Variants in AGBL1 observed in about 807,000 individuals in gnomAD.
The protein encoded by AGBL1 is cytosolic carboxypeptidase 4.
AGBL1 carries 130 observed loss-of-function variants against 118.9 expected under a neutral mutation model. The observed-to-expected ratio is 1.09, with a 90% CI of 0.95 to 1.26. AGBL1 has a LOEUF of 1.26. Among genes scored for constraint, AGBL1 ranks in the 50% most tolerant of loss-of-function variants. AGBL1 has a pLI of 0.00. For missense variants in AGBL1, 1,584 were observed against 1,298.1 expected (o/e 1.22, Z -3.38); for synonymous variants, 555 against 478.9 (o/e 1.16, Z -2.08).
chr15:86,159,083 T>C, intron 5 of AGBL1, 57 bp downstream of exon 5: 1 of 1,484,366 alleles, frequency 6.7e-7, no homozygotes, highest in South Asian at 1.1e-5. Flanking sequence ...GAGATGGAGA[T>C]TGCCCTACAT....
At chr15:86,356,326 G>T (rs543472364) in intron 17 of AGBL1, among the ~76,000 whole-genome samples, 1 of 143,568 alleles carries the variant, frequency 7.0e-6, no homozygotes, top group Non-Finnish European at 1.5e-5. Context: ...TTATATCTAC[G>T]AAGATAGACG....
chr15:86,606,707 A>C (rs1049230804), intron 21 of AGBL1, among the ~76,000 whole-genome samples: 2 of 152,200 alleles, frequency 1.3e-5, no homozygotes, highest in Admixed American at 6.6e-5. Flanking sequence ...AATTGAACAG[A>C]AAGTAGAGGG....
chr15:86,201,935 C>T (rs919832681), intron 5 of AGBL1, among the ~76,000 whole-genome samples: 1 of 152,174 alleles, frequency 6.6e-6, no homozygotes, highest in Non-Finnish European at 1.5e-5. Flanking sequence ...TGCTGGCAGA[C>T]AAAGAAGGCC....
chr15:86,499,951 A>T (rs1046802966), intron 18 of AGBL1, among the ~76,000 whole-genome samples: 1 of 151,784 alleles, frequency 6.6e-6, no homozygotes, highest in African/African-American at 2.4e-5. Flanking sequence ...CAGGGAAGTC[A>T]CCTGTGAATA....
rs371722077 is a variant in AGBL1, at chr15:86,082,134, T to C, written c.51+2111T>C. ...CTTCCCTAAGCCCTGTTTCTGTCTCTACGGTAGAAGTCAGAACTCTGAAAC... is the reference window on the plus strand; with the variant it reads ...CTTCCCTAAGCCCTGTTTCTGTCTCCACGGTAGAAGTCAGAACTCTGAAAC... On this transcript the variant is annotated intron_variant, in intron 1 of 22. Coordinates refer to ENST00000614907, the MANE Select transcript of AGBL1 (RefSeq NM_001386094.1). Among the ~76,000 whole-genome samples the C allele has an allele frequency of 1.0e-3, 152 of 152,364 alleles. 1 individual carries two copies. Among genetic ancestry groups the C allele is most frequent in the African/African-American group, 3.6e-3 (149 of 41,590 alleles).
chr15:86,087,179 A>G (rs1302086545), intron 1 of AGBL1, among the ~76,000 whole-genome samples: 1 of 152,202 alleles, frequency 6.6e-6, no homozygotes, highest in African/African-American at 2.4e-5. Flanking sequence ...CCCTGCATTA[A>G]GGGACTACTC....
intron 5 of AGBL1, among the ~76,000 whole-genome samples, chr15:86,169,545 A>T (rs1472377671): frequency 1.3e-5 from 2 of 152,204 alleles, no homozygotes; most frequent in African/African-American, 4.8e-5. Context: ...GTGGAGGCCC[A>T]AGTCCTTCAT....
At chr15:86,986,323 T>A (rs2081281913) in intron 23 of AGBL1, among the ~76,000 whole-genome samples, 1 of 152,226 alleles carries the variant, frequency 6.6e-6, no homozygotes, top group Non-Finnish European at 1.5e-5. Context: ...AATTGACATG[T>A]GGGTATTTAT....
intron 18 of AGBL1, among the ~76,000 whole-genome samples, chr15:86,428,614 C>G (rs1244640617): frequency 2.0e-5 from 3 of 152,136 alleles, no homozygotes; most frequent in Non-Finnish European, 2.9e-5. Context: ...GAAAACCAAA[C>G]AAGAGGAACT....
At chr15:86,267,117 G>A (rs1251363266) in intron 13 of AGBL1, 41 bp downstream of exon 13, 11 of 1,432,010 alleles carry the variant, frequency 7.7e-6, no homozygotes, top group Middle Eastern at 1.7e-4. Context: ...CTGTCAGTTC[G>A]TAAGAGCAAG....
intron 17 of AGBL1, among the ~76,000 whole-genome samples, chr15:86,322,609 T>C (rs543365086): frequency 1.4e-4 from 22 of 152,316 alleles, no homozygotes; most frequent in Admixed American, 4.6e-4. Context: ...TTTATGAATA[T>C]TGATTGTAAG....
At chr15:86,107,185 G>A (rs1172493946) in intron 1 of AGBL1, among the ~76,000 whole-genome samples, 1 of 152,176 alleles carries the variant, frequency 6.6e-6, no homozygotes, top group South Asian at 2.1e-4. Flanking sequence ...GTTCATGGGC[G>A]ACCACAGGAC....
At chr15:86,744,174 C>A (rs1216018576) in intron 22 of AGBL1, among the ~76,000 whole-genome samples, 2 of 152,066 alleles carry the variant, frequency 1.3e-5, no homozygotes, top group Admixed American at 1.3e-4. Context: ...CGGTTTCCTG[C>A]CACCTTAGTT....
chr15:86,453,048 A>T (rs905936793), intron 18 of AGBL1, among the ~76,000 whole-genome samples: 1 of 152,130 alleles, frequency 6.6e-6, no homozygotes, highest in African/African-American at 2.4e-5. Context: ...ATGTTACACG[A>T]TATATGTTCA....
chr15:86,728,436 G>A (rs1287613569), intron 22 of AGBL1, among the ~76,000 whole-genome samples: 2 of 152,162 alleles, frequency 1.3e-5, no homozygotes, highest in Non-Finnish European at 2.9e-5. Context: ...CAGGCTTAGG[G>A]TAGAACGAGG....
intron 23 of AGBL1, among the ~76,000 whole-genome samples, chr15:86,958,115 G>C (rs2080950906): frequency 6.6e-6 from 1 of 151,010 alleles, no homozygotes; most frequent in Non-Finnish European, 1.5e-5. Context: ...TGAGACAGGA[G>C]AATTGTTGGA....
At chr15:86,457,076 C>T (rs771946099) in intron 18 of AGBL1, among the ~76,000 whole-genome samples, 8 of 151,968 alleles carry the variant, frequency 5.3e-5, no homozygotes, top group Non-Finnish European at 1.2e-4. Flanking sequence ...CTAATATTAC[C>T]ACATTCGAAA....
At chr15:86,319,386 C>T (rs1198447733) in intron 17 of AGBL1, among the ~76,000 whole-genome samples, 1 of 152,040 alleles carries the variant, frequency 6.6e-6, no homozygotes, top group Non-Finnish European at 1.5e-5. Context: ...TTTTAATTGG[C>T]ATTTTTTTGA....
Position 86,989,248 on chromosome 15 carries a change from A to G in AGBL1, c.3323+1160A>G, listed in dbSNP as rs184315136. Among the ~76,000 whole-genome samples, 463 of 152,038 alleles carry G rather than the reference A, an allele frequency of 3.0e-3. 4 individuals carry two copies. The highest frequency in any genetic ancestry group is 0.011 in the African/African-American group (444 of 41,452). The stretch of plus-strand genomic sequence containing the variant: ...GCTTTGGACCTCAAGTTATCATCTT[A>G]CCTTGGCTTCCCAAAGTGCTGGGAT... On this transcript the variant is annotated intron_variant, in intron 24 of 24. Coordinates refer to the AGBL1 transcript ENST00000441037.
Sources: gnomAD v4.1 joint callset for allele counts (sites outside exome capture counted in the v4.1 genomes callset) on GRCh38, gnomAD v4.1.1 for gene constraint, MANE v1.5 for transcripts, NCBI Gene and HGNC (gene_info 2026-07-23, HGNC 2026-07-21) for gene names.